Variants in NEDD4L observed in about 807,000 individuals in gnomAD.
NEDD4L encodes the protein E3 ubiquitin-protein ligase NEDD4-like.
In NEDD4L, 54 loss-of-function variants were observed where a neutral mutation model predicts 148.9. The observed-to-expected ratio is 0.36, with a 90% CI of 0.29 to 0.45. The LOEUF (loss-of-function observed/expected upper bound fraction) is 0.45. Among genes scored for constraint, NEDD4L ranks in the 20% least tolerant of loss-of-function variants. NEDD4L has a pLI of 1.00. For synonymous variants in NEDD4L, 433 were observed against 440.7 expected (o/e 0.98, Z 0.22); for missense variants, 856 against 1,233.8 (o/e 0.69, Z 4.59).
chr18:58,157,335 C>A (rs753520628), intron 1 of NEDD4L, among the ~76,000 whole-genome samples: 1 of 152,044 alleles, frequency 6.6e-6, no homozygotes, highest in African/African-American at 2.4e-5. Context: ...GTTTTAAATT[C>A]AAAGAAGTCT....
chr18:58,196,780 G>GAATT (rs2040760631), intron 2 of NEDD4L, among the ~76,000 whole-genome samples: 2 of 137,380 alleles, frequency 1.5e-5, no homozygotes, highest in Non-Finnish European at 3.0e-5. Context: ...CATATAACTT[G>GAATT]AGGAAAATTG....
rs199851734 is a variant in NEDD4L at position 58,385,600 on chromosome 18, G to A, written c.2487+14G>A. 1,767 of 1,611,208 alleles carry A rather than the reference G, an allele frequency of 1.1e-3. 4 individuals are homozygous for A. The highest frequency in any genetic ancestry group is 2.0e-3 in the Admixed American group (120 of 60,016). ...GCCTTCTTGGAGGTAAGCCATGCTGGCCAGGGTTCTCTGCCATGTGCCTCT... is the reference window on the plus strand; with the variant it reads ...GCCTTCTTGGAGGTAAGCCATGCTGACCAGGGTTCTCTGCCATGTGCCTCT... On this transcript the variant is annotated intron_variant, in intron 26 of 30. Coordinates refer to ENST00000400345, the MANE Select transcript of NEDD4L (RefSeq NM_001144967.3).
At chr18:58,149,079 C>T (rs141263396) in intron 1 of NEDD4L, among the ~76,000 whole-genome samples, 1 of 152,158 alleles carries the variant, frequency 6.6e-6, no homozygotes, top group Non-Finnish European at 1.5e-5. Context: ...CTGAAAGTGG[C>T]AGAGAGGAAG....
At chr18:58,382,553 C>G (rs189527490) in intron 24 of NEDD4L, among the ~76,000 whole-genome samples, 1 of 152,062 alleles carries the variant, frequency 6.6e-6, no homozygotes, top group Non-Finnish European at 1.5e-5. Context: ...AATAGTAGGC[C>G]TCTCTCCCTT....
At chr18:58,285,762 T>G (rs2053822497) in intron 5 of NEDD4L, among the ~76,000 whole-genome samples, 2 of 152,230 alleles carry the variant, frequency 1.3e-5, no homozygotes, top group African/African-American at 4.8e-5. Flanking sequence ...TTCAAATGCT[T>G]TTGATCAACC....
chr18:58,385,462 G>C, intron 25 of NEDD4L, 64 bp from the exon 26 acceptor site: 1 of 1,312,900 alleles, frequency 7.6e-7, no homozygotes, highest in Non-Finnish European at 1.1e-6. Flanking sequence ...TCCCTGTTGC[G>C]GAGAAAGCAG....
chr18:58,359,071 C>A (rs920528859), intron 19 of NEDD4L, among the ~76,000 whole-genome samples: 4 of 151,628 alleles, frequency 2.6e-5, no homozygotes, highest in African/African-American at 9.7e-5. Flanking sequence ...TTAGGTCAAG[C>A]CTGTGGTGTT....
chr18:58,120,538 G>A (rs1777023495), intron 1 of NEDD4L, among the ~76,000 whole-genome samples: 1 of 152,206 alleles, frequency 6.6e-6, no homozygotes, highest in Non-Finnish European at 1.5e-5. Flanking sequence ...CCAGCACGTT[G>A]GGAGGCTGAG....
intron 24 of NEDD4L, among the ~76,000 whole-genome samples, chr18:58,377,394 CT>C (rs201445480): frequency 5.3e-5 from 8 of 151,548 alleles, no homozygotes; most frequent in Non-Finnish European, 8.8e-5. Flanking sequence ...TTTCAACCTT[CT>C]TTTTTTTTAA....
chr18:58,372,390 A>T (rs2047001314), intron 23 of NEDD4L: 1 of 151,846 alleles, frequency 6.6e-6, no homozygotes, highest in Non-Finnish European at 1.5e-5. Context: ...GGATTACAGG[A>T]TTATAGGCAT....
chr18:58,147,894 G>A (rs554824785), intron 1 of NEDD4L, among the ~76,000 whole-genome samples: 2 of 152,194 alleles, frequency 1.3e-5, no homozygotes, highest in Non-Finnish European at 2.9e-5. Context: ...GTCCCCCAAA[G>A]CCCCAGTGAC....
chr18:58,266,952 T>C (rs946528690), intron 5 of NEDD4L, among the ~76,000 whole-genome samples: 2 of 152,060 alleles, frequency 1.3e-5, no homozygotes, highest in African/African-American at 4.8e-5. Flanking sequence ...CAGATAGAAA[T>C]GTTTTAAGAT....
intron 19 of NEDD4L, among the ~76,000 whole-genome samples, chr18:58,357,838 A>G (rs1025563220): frequency 1.3e-5 from 2 of 152,196 alleles, no homozygotes; most frequent in Admixed American, 1.3e-4. Flanking sequence ...CACTGTGTTC[A>G]TAAGGCAGTG....
At chr18:58,122,890 G>A (rs1163760302) in intron 1 of NEDD4L, among the ~76,000 whole-genome samples, 1 of 151,886 alleles carries the variant, frequency 6.6e-6, no homozygotes, top group Non-Finnish European at 1.5e-5. Context: ...GTGCCACCAC[G>A]CCTGGCTCAT....
chr18:58,157,018 A>G (rs1568300837), intron 1 of NEDD4L, among the ~76,000 whole-genome samples: 1 of 138,496 alleles, frequency 7.2e-6, no homozygotes, highest in Non-Finnish European at 1.6e-5. Flanking sequence ...TCTACCAAAA[A>G]AATACAGGAA....
intron 30 of NEDD4L, among the ~76,000 whole-genome samples, chr18:58,394,808 T>C (rs1329812246): frequency 6.6e-6 from 1 of 152,242 alleles, no homozygotes; most frequent in Non-Finnish European, 1.5e-5. Context: ...TTTTAGTATA[T>C]GTGCAAGTGC....
intron 2 of NEDD4L, among the ~76,000 whole-genome samples, chr18:58,239,359 G>A (rs550533370): frequency 2.6e-5 from 4 of 152,270 alleles, no homozygotes; most frequent in Admixed American, 6.5e-5. Context: ...GACCTTTCTC[G>A]TTGTTCTTCT....
chr18:58,186,942 A>G (rs1029961395), intron 2 of NEDD4L, among the ~76,000 whole-genome samples: 1 of 152,240 alleles, frequency 6.6e-6, no homozygotes, highest in African/African-American at 2.4e-5. Context: ...TCACTTGATC[A>G]TTTAATTAAG....
chr18:58,393,038 G>C (rs1013962883), intron 30 of NEDD4L, among the ~76,000 whole-genome samples: 2 of 152,148 alleles, frequency 1.3e-5, no homozygotes, highest in African/African-American at 4.8e-5. Flanking sequence ...ATTAGAGCCT[G>C]CACCCTTTAC....
Sources: allele counts gnomAD v4.1 joint callset (sites outside exome capture counted in the v4.1 genomes callset), GRCh38; gene constraint gnomAD v4.1.1; transcripts MANE v1.5; gene names NCBI Gene and HGNC (gene_info 2026-07-23, HGNC 2026-07-21).